Variants in TDP1 observed in about 807,000 individuals in gnomAD.
TDP1 encodes the protein tyr-DNA phosphodiesterase 1.
A neutral mutation model predicts 81.5 loss-of-function variants in TDP1; 64 were observed. That is an observed-to-expected ratio of 0.79 (90% CI 0.64 to 0.97). TDP1 has a LOEUF of 0.97. TDP1 is among the 50% of genes least tolerant of loss of function. The probability of loss-of-function intolerance (pLI) is 0.00; values close to 1 mark genes in which losing one functional copy is unlikely to be tolerated. For synonymous variants in TDP1, 256 were observed against 264.3 expected (o/e 0.97, Z 0.30); for missense variants, 723 against 743.8 (o/e 0.97, Z 0.33).
At chr14:89,980,307 G>A in intron 7 of TDP1, 1 of 985,286 alleles carries the variant, frequency 1.0e-6, no homozygotes, top group Non-Finnish European at 1.2e-6. Flanking sequence ...CTGGCACTAG[G>A]GTTGAAAGTT....
At chr14:89,971,028 G>T (rs1012588382) in intron 5 of TDP1, 147 bp from the exon 6 acceptor site, 9 of 665,114 alleles carry the variant, frequency 1.4e-5, no homozygotes, top group Admixed American at 2.1e-5. Flanking sequence ...TAGAGACGGG[G>T]TTTCACCATG....
chr14:90,024,655 G>A (rs1886449091), intron 15 of TDP1, among the ~76,000 whole-genome samples: 1 of 152,168 alleles, frequency 6.6e-6, no homozygotes. Context: ...TAGCTCATCT[G>A]TAGCTGTCTT....
intron 14 of TDP1, among the ~76,000 whole-genome samples, chr14:90,000,486 G>A (rs766114092): frequency 4.1e-4 from 63 of 152,256 alleles, no homozygotes; most frequent in Non-Finnish European, 7.9e-4. Context: ...CTGGGTTCAA[G>A]CAATTCTCCT....
intron 16 of TDP1, among the ~76,000 whole-genome samples, chr14:90,039,090 A>C (rs1049833468): frequency 3.3e-5 from 5 of 152,188 alleles, no homozygotes; most frequent in African/African-American, 1.2e-4. Flanking sequence ...GATTCTTTTG[A>C]AATAAATAAG....
chr14:90,019,294 A>G (rs372629966), intron 14 of TDP1, 22 bp from the exon 15 acceptor site: 10 of 1,523,446 alleles, frequency 6.6e-6, no homozygotes, highest in African/African-American at 5.5e-5. Flanking sequence ...AGTCAGCCCT[A>G]TCTGTGTCCT....
intron 7 of TDP1, among the ~76,000 whole-genome samples, chr14:89,976,689 A>G (rs1281860936): frequency 2.0e-5 from 3 of 151,858 alleles, no homozygotes; most frequent in Non-Finnish European, 2.9e-5. Flanking sequence ...GGCCACTGCC[A>G]CCACACCTGG....
chr14:89,975,583 T>G lies in TDP1; in HGVS notation c.757-198T>G, dbSNP rs78402094. ...TCATTCTGGGTAACAAAATTTGTGTTTTTTTTTTTTTTTTTTTTAATGAGC... is the reference window on the plus strand; with the variant it reads ...TCATTCTGGGTAACAAAATTTGTGTGTTTTTTTTTTTTTTTTTTAATGAGC... On this transcript the variant is annotated intron_variant, in intron 6 of 16. Transcript: ENST00000335725. The G allele has an allele frequency of 6.7e-4, 258 of 384,384 alleles. 1 individual carries two copies. Among genetic ancestry groups the G allele is most frequent in the African/African-American group, 4.2e-3 (52 of 12,262 alleles). 23.8% of individuals were successfully genotyped at this position (384,384 alleles called of 1,614,324 possible). A position where few individuals can be genotyped will look rare whatever the true frequency, so the allele number is the denominator to read the frequency against.
chr14:89,964,879 G>T (rs551779703), intron 3 of TDP1: 1 of 445,412 alleles, frequency 2.2e-6, no homozygotes, highest in Non-Finnish European at 4.5e-6. Context: ...TGTTACAATC[G>T]TATTCCTTGG....
Position 90,019,097 on chromosome 14 carries a change from G to A in TDP1, c.1542-219G>A, listed in dbSNP as rs192673179. 8.2e-5 allele frequency: 81 copies of A among 984,142 alleles called. No individual in the cohort carries two copies. In the African/African-American group the frequency reaches 1.2e-3, roughly 14 times the overall value. The allele number at this position is 984,142 out of a possible 1,614,324, so 61.0% of individuals were successfully genotyped here. A position where few individuals can be genotyped will look rare whatever the true frequency, so the allele number is the denominator to read the frequency against. ...GCTGCCCTCAGGAAAATGCAGATGA[G>A]GGTGAAACTATCCCAAATTAGCAAT... On this transcript the variant is annotated intron_variant, in intron 14 of 16. Transcript: ENST00000335725.
intron 14 of TDP1, among the ~76,000 whole-genome samples, chr14:90,002,324 T>G (rs1566895672): frequency 6.6e-6 from 1 of 152,234 alleles, no homozygotes; most frequent in Non-Finnish European, 1.5e-5. Flanking sequence ...TGCCACTTAC[T>G]AGCCTTGCCA....
At chr14:90,035,461 C>CAA (rs754856885) in intron 16 of TDP1, among the ~76,000 whole-genome samples, 21 of 136,156 alleles carry the variant, frequency 1.5e-4, no homozygotes, top group African/African-American at 3.4e-4. Flanking sequence ...TACCTGCCAC[C>CAA]AAAAAAAAAA....
Position 89,992,389 on chromosome 14 carries a change from G to A in TDP1, c.1433+406G>A, listed in dbSNP as rs1174325953. On this transcript the variant is annotated intron_variant, in intron 13 of 16. Transcript: ENST00000335725. ...TTTGCTGCCGTTTCCTGAGGATACA[G>A]GACAGTATCTGGCGTGTTGTCAGAG... is the stretch of plus-strand genomic sequence containing the variant. Among the ~76,000 whole-genome samples, 4 of 152,182 alleles carry A rather than the reference G, an allele frequency of 2.6e-5. No homozygotes were observed. The East Asian group carries it at 7.7e-4, about 29-fold the overall frequency.
chr14:90,034,602 C>G (rs922290798), intron 16 of TDP1, among the ~76,000 whole-genome samples: 1 of 152,196 alleles, frequency 6.6e-6, no homozygotes, highest in Non-Finnish European at 1.5e-5. Flanking sequence ...TTAGCAAACT[C>G]AGACAGGATG....
intron 15 of TDP1, chr14:90,022,954 G>A (rs11851131): frequency 0.11 from 83,253 of 726,332 alleles, 16,131 homozygotes; most frequent in African/African-American, 0.69. Context: ...CTCCTACCTG[G>A]ACGTTCCAGT....
At chr14:90,037,796 C>G (rs1186284412) in intron 16 of TDP1, among the ~76,000 whole-genome samples, 1 of 152,168 alleles carries the variant, frequency 6.6e-6, no homozygotes, top group African/African-American at 2.4e-5. Flanking sequence ...AAACTGTATT[C>G]AAATTTCATC....
At chr14:89,970,452 T>A (rs1893487268) in intron 5 of TDP1, among the ~76,000 whole-genome samples, 1 of 152,138 alleles carries the variant, frequency 6.6e-6, no homozygotes, top group Non-Finnish European at 1.5e-5. Context: ...TGAATATAGA[T>A]GTGGTGTGAA....
intron 12 of TDP1, chr14:89,991,597 G>A (rs766488357): frequency 5.5e-5 from 54 of 984,972 alleles, no homozygotes; most frequent in Non-Finnish European, 6.5e-5. Flanking sequence ...TTTTCAGTAT[G>A]TTTGTGTTAC....
At chr14:90,043,016 G>A (rs1011823388) in intron 16 of TDP1, 54 bp from the exon 17 acceptor site, 3 of 1,613,562 alleles carry the variant, frequency 1.9e-6, no homozygotes, top group Non-Finnish European at 2.5e-6. Context: ...TCAGGTGAGT[G>A]CATTTTCTAC....
At position 89,963,105 on chromosome 14, in the gene TDP1, C is replaced by T; in HGVS notation, c.-7-3C>T. On this transcript the variant is annotated splice_region_variant and splice_polypyrimidine_tract_variant and intron_variant, in intron 2 of 16. Transcript: ENST00000335725. ...TGCTGATGTTTCCACTTTTCATTTC[C>T]AGGAGTATAATGTCTCAGGAAGGCG... The T allele has an allele frequency of 6.2e-7, 1 of 1,613,968 alleles. No homozygotes were observed. Among genetic ancestry groups the T allele is most frequent in the Non-Finnish European group, 8.5e-7 (1 of 1,179,970 alleles).
Sources: gnomAD v4.1 joint callset for allele counts (sites outside exome capture counted in the v4.1 genomes callset) on GRCh38, gnomAD v4.1.1 for gene constraint, MANE v1.5 for transcripts, NCBI Gene and HGNC (gene_info 2026-07-23, HGNC 2026-07-21) for gene names.